Variants in BOLA3 observed in about 807,000 individuals in gnomAD.
BOLA3 encodes bolA family member 3.
Under a neutral mutation model 14.5 loss-of-function variants are expected in BOLA3, and 8 were observed. That is an observed-to-expected ratio of 0.55 (90% CI 0.32 to 0.99). The LOEUF (loss-of-function observed/expected upper bound fraction) is 0.99. Ranked by LOEUF, BOLA3 falls within the 50% of genes least tolerant of loss-of-function variation. The pLI is 0.04. For synonymous variants in BOLA3, 42 were observed against 45.7 expected, an observed-to-expected ratio of 0.92 and a Z score of 0.33; for missense variants, 115 against 138.2, an observed-to-expected ratio of 0.83 and a Z score of 0.84.
At chr2:74,142,851 C>A (rs1289380099) in intron 2 of BOLA3, among the ~76,000 whole-genome samples, 1 of 152,220 alleles carries the variant, frequency 6.6e-6, no homozygotes, top group African/African-American at 2.4e-5. Context: ...AGGGACACAG[C>A]AAACATGCTA....
intron 2 of BOLA3, among the ~76,000 whole-genome samples, chr2:74,142,920 G>T (rs955876379): frequency 1.3e-5 from 2 of 152,196 alleles, no homozygotes; most frequent in African/African-American, 2.4e-5. Flanking sequence ...CAGCATCCAG[G>T]ATTTCATCCT....
intron 2 of BOLA3, among the ~76,000 whole-genome samples, chr2:74,144,192 G>A (rs1046948671): frequency 7.9e-6 from 1 of 126,192 alleles, no homozygotes; most frequent in African/African-American, 3.5e-5. Flanking sequence ...TTTTAGTAGA[G>A]ACGGGGGGGT....
At chr2:74,140,016 G>T (rs1692409761) in intron 3 of BOLA3, among the ~76,000 whole-genome samples, 1 of 152,222 alleles carries the variant, frequency 6.6e-6, no homozygotes. Context: ...GGGCATGGTG[G>T]CTCATGCCTG....
chr2:74,146,900 G>A (rs1464790638), intron 1 of BOLA3: 2 of 152,598 alleles, frequency 1.3e-5, no homozygotes, highest in African/African-American at 2.4e-5. Context: ...GGACAGAAAT[G>A]CAAGACAGGA....
chr2:74,143,853 A>ATTT (rs3045552), intron 2 of BOLA3, among the ~76,000 whole-genome samples: 1 of 139,764 alleles, frequency 7.2e-6, no homozygotes, highest in Non-Finnish European at 1.5e-5. Flanking sequence ...TGCCTGGCTA[A>ATTT]TTTTTTTTTT....
chr2:74,144,632 C>G (rs1692508933), intron 2 of BOLA3, among the ~76,000 whole-genome samples: 1 of 152,208 alleles, frequency 6.6e-6, no homozygotes, highest in African/African-American at 2.4e-5. Flanking sequence ...GTGCCAGTGG[C>G]CACCTGAGAA....
intron 3 of BOLA3, among the ~76,000 whole-genome samples, chr2:74,139,344 G>GCC (rs1692394557): frequency 6.6e-6 from 1 of 152,070 alleles, no homozygotes; most frequent in Non-Finnish European, 1.5e-5. Context: ...AGGACACCAG[G>GCC]CCCCCACCCA....
chr2:74,142,904 AC>A (rs1692473199), intron 2 of BOLA3, among the ~76,000 whole-genome samples: 1 of 152,222 alleles, frequency 6.6e-6, no homozygotes, highest in Non-Finnish European at 1.5e-5. Context: ...TGCTGGGTCC[AC>A]AGCACAGCAT....
chr2:74,142,120 A>T (rs148277797), intron 3 of BOLA3, 152 bp downstream of exon 3: 1 of 659,186 alleles, frequency 1.5e-6, no homozygotes, highest in African/African-American at 1.8e-5. Flanking sequence ...ATACTCCCAG[A>T]TTCGATTTTT....
intron 1 of BOLA3, chr2:74,145,504 T>G (rs1692527186): frequency 1.7e-6 from 1 of 600,602 alleles, no homozygotes; most frequent in South Asian, 1.9e-5. Context: ...AAACTTTTAT[T>G]GGCGGGGACA....
intron 1 of BOLA3, chr2:74,146,645 T>C (rs1425158091): frequency 6.6e-6 from 1 of 152,512 alleles, no homozygotes; most frequent in African/African-American, 2.4e-5. Context: ...GGGCCGTTCA[T>C]GGGTGCTGGT....
intron 3 of BOLA3, among the ~76,000 whole-genome samples, chr2:74,138,067 T>G (rs1235751573): frequency 1.3e-5 from 2 of 152,308 alleles, no homozygotes; most frequent in East Asian, 1.9e-4. Flanking sequence ...CCCTCCCTGA[T>G]GCCTTCTCCC....
chr2:74,138,282 G>C (rs1692370640), intron 3 of BOLA3, among the ~76,000 whole-genome samples: 1 of 152,240 alleles, frequency 6.6e-6, no homozygotes, highest in Non-Finnish European at 1.5e-5. Flanking sequence ...CAGCACTATA[G>C]TAGGTGCTGG....
Position 74,145,310 on chromosome 2 carries a change from C to T in BOLA3, c.55-7G>A, listed in dbSNP as rs774400616. Reference sequence around the variant, plus strand: ...TCCGATGGTGAAGTGGAAGCTGCCACAGAACAGAGAGGAAGGTCAGGGCAG... The same window carrying T: ...TCCGATGGTGAAGTGGAAGCTGCCATAGAACAGAGAGGAAGGTCAGGGCAG... On this transcript the variant is annotated splice_polypyrimidine_tract_variant and splice_region_variant and intron_variant, in intron 1 of 3. Transcript: ENST00000327428. 6.6e-7 allele frequency: 1 copy of T among 1,526,640 alleles called. No homozygotes were observed. Among genetic ancestry groups the T allele is most frequent in the Admixed American group, 1.7e-5 (1 of 59,950 alleles). 94.6% of individuals were successfully genotyped at this position (1,526,640 alleles called of 1,614,324 possible). A position where few individuals can be genotyped will look rare whatever the true frequency, so the allele number is the denominator to read the frequency against.
intron 3 of BOLA3, among the ~76,000 whole-genome samples, chr2:74,140,786 A>G (rs1692424869): frequency 6.6e-6 from 1 of 152,174 alleles, no homozygotes; most frequent in Non-Finnish European, 1.5e-5. Context: ...GTCAACGTGT[A>G]CTTTATCACG....
chr2:74,140,176 T>G (rs1387355438), intron 3 of BOLA3, among the ~76,000 whole-genome samples: 3 of 151,836 alleles, frequency 2.0e-5, no homozygotes, highest in African/African-American at 7.3e-5. Context: ...CCCAGCTACT[T>G]GGGAGGCTGA....
At chr2:74,144,518 CGT>C (rs35852691) in intron 2 of BOLA3, among the ~76,000 whole-genome samples, 8 of 151,196 alleles carry the variant, frequency 5.3e-5, no homozygotes, top group South Asian at 2.1e-4. Flanking sequence ...TCTGTGTGTA[CGT>C]GTGTGTGTGT....
intron 2 of BOLA3, among the ~76,000 whole-genome samples, chr2:74,144,701 G>A (rs957827100): frequency 1.3e-5 from 2 of 152,170 alleles, no homozygotes; most frequent in African/African-American, 4.8e-5. Context: ...CCTGAGTCCC[G>A]GTTCTGGTTC....
At chr2:74,140,489 G>T (rs1003276270) in intron 3 of BOLA3, among the ~76,000 whole-genome samples, 1 of 152,210 alleles carries the variant, frequency 6.6e-6, no homozygotes, top group Non-Finnish European at 1.5e-5. Flanking sequence ...TGTTAGGTGT[G>T]GGGGACACAG....
Sources: gnomAD v4.1 joint callset for allele counts (sites outside exome capture counted in the v4.1 genomes callset) on GRCh38, gnomAD v4.1.1 for gene constraint, MANE v1.5 for transcripts, NCBI Gene and HGNC (gene_info 2026-07-23, HGNC 2026-07-21) for gene names.